The following CLNK variants were observed in gnomAD, a reference collection of about 807,000 sequenced individuals.
CLNK encodes cytokine-dependent hematopoietic cell linker.
Under a neutral mutation model 68.6 loss-of-function variants are expected in CLNK, and 74 were observed. The observed-to-expected ratio is 1.08, with a 90% CI of 0.89 to 1.31. The LOEUF (loss-of-function observed/expected upper bound fraction) is 1.31. CLNK is among the 50% of genes most tolerant of loss of function. The pLI is 0.00. For missense variants in CLNK, 553 were observed against 515.3 expected, an observed-to-expected ratio of 1.07 and a Z score of -0.71; for synonymous variants, 198 against 172.2, an observed-to-expected ratio of 1.15 and a Z score of -1.17.
chr4:10,556,148 G>A (rs896484394), intron 8 of CLNK, among the ~76,000 whole-genome samples: 4 of 152,072 alleles, frequency 2.6e-5, no homozygotes, highest in Non-Finnish European at 4.4e-5. Flanking sequence ...GCCAACATTC[G>A]CTACAAAACA....
At chr4:10,707,884 C>T in the CLNK span, among the ~76,000 whole-genome samples, 1 of 152,190 alleles carries the variant, frequency 6.6e-6, no homozygotes, top group East Asian at 1.9e-4. Flanking sequence ...GGCGATGATG[C>T]CACAGTGCAG....
the CLNK span, among the ~76,000 whole-genome samples, chr4:10,722,151 G>A: frequency 6.6e-6 from 1 of 152,136 alleles, no homozygotes; most frequent in East Asian, 1.9e-4. Flanking sequence ...TCCAGATTGA[G>A]CGAGAGAGAC....
At chr4:10,661,147 C>G (rs1029626835) in intron 2 of CLNK, among the ~76,000 whole-genome samples, 1 of 152,098 alleles carries the variant, frequency 6.6e-6, no homozygotes, top group Non-Finnish European at 1.5e-5. Flanking sequence ...CCCTGGAGGT[C>G]GAAAGCAGGG....
chr4:10,603,655 C>T lies in CLNK; in HGVS notation c.12-5606G>A, dbSNP rs139766229. On this transcript the variant is annotated intron_variant, in intron 2 of 18. Coordinates refer to ENST00000226951, the MANE Select transcript of CLNK (RefSeq NM_052964.4). Reference sequence around the variant, plus strand: ...GGAAAAGTGGGCTGTGATGCAGTTGCAACAGAGGCCTCAGCGGCCCCCACG... The same window carrying T: ...GGAAAAGTGGGCTGTGATGCAGTTGTAACAGAGGCCTCAGCGGCCCCCACG... 2.2e-3 allele frequency among the ~76,000 whole-genome samples: 340 copies of T among 152,306 alleles called. 4 individuals are homozygous for T. Among genetic ancestry groups the T allele is most frequent in the African/African-American group, 7.8e-3 (326 of 41,572 alleles).
At chr4:10,660,402 T>G (rs1419599042) in intron 2 of CLNK, among the ~76,000 whole-genome samples, 1 of 152,252 alleles carries the variant, frequency 6.6e-6, no homozygotes, top group East Asian at 1.9e-4. Flanking sequence ...GATAGTTTTA[T>G]TGGAAAGCCT....
intron 4 of CLNK, among the ~76,000 whole-genome samples, chr4:10,581,105 A>G (rs970713852): frequency 5.3e-5 from 8 of 152,116 alleles, no homozygotes; most frequent in African/African-American, 1.9e-4. Context: ...AACTGCCTAC[A>G]ATATTCAGCA....
At chr4:10,689,709 A>G (rs940277412), upstream of CLNK, among the ~76,000 whole-genome samples, 2 of 146,096 alleles carry the variant, frequency 1.4e-5, no homozygotes, top group Non-Finnish European at 3.0e-5. Context: ...TTCCTAGTTC[A>G]GAGTGCTATC....
At chr4:10,678,858 A>T (rs971223428) in intron 1 of CLNK, among the ~76,000 whole-genome samples, 1 of 152,200 alleles carries the variant, frequency 6.6e-6, no homozygotes, top group Non-Finnish European at 1.5e-5. Flanking sequence ...TCAATGAAAT[A>T]AAAGAGTATA....
chr4:10,699,508 A>T, the CLNK span, among the ~76,000 whole-genome samples: 67 of 19,768 alleles, frequency 3.4e-3, 1 homozygote, highest in Non-Finnish European at 6.8e-3. Flanking sequence ...ATATATATAT[A>T]TATATTTTTT....
chr4:10,695,981 G>A, the CLNK span, among the ~76,000 whole-genome samples: 2 of 151,516 alleles, frequency 1.3e-5, no homozygotes, highest in Admixed American at 6.6e-5. Context: ...TCAGCCTCCC[G>A]AGTAGCTGGG....
At chr4:10,730,740 A>G in the CLNK span, among the ~76,000 whole-genome samples, 2 of 152,174 alleles carry the variant, frequency 1.3e-5, no homozygotes, top group Non-Finnish European at 2.9e-5. Flanking sequence ...GTCTATTCTT[A>G]CTTCATTGTG....
At chr4:10,666,704 A>G (rs1358057087) in intron 2 of CLNK, among the ~76,000 whole-genome samples, 1 of 152,246 alleles carries the variant, frequency 6.6e-6, no homozygotes. Context: ...CAAAGAAGGG[A>G]TGCTTGATTA....
At chr4:10,581,151 C>A (rs1720765386) in intron 4 of CLNK, among the ~76,000 whole-genome samples, 1 of 152,028 alleles carries the variant, frequency 6.6e-6, no homozygotes, top group Non-Finnish European at 1.5e-5. Context: ...TGTTTGTAAC[C>A]TAGGTGCAAT....
intron 8 of CLNK, among the ~76,000 whole-genome samples, chr4:10,556,628 C>T (rs1023868186): frequency 5.3e-5 from 8 of 152,308 alleles, no homozygotes; most frequent in African/African-American, 1.9e-4. Flanking sequence ...TGAGTGCCTA[C>T]AAAGCATATT....
the CLNK span, among the ~76,000 whole-genome samples, chr4:10,701,660 A>G: frequency 6.6e-6 from 1 of 152,192 alleles, no homozygotes; most frequent in Non-Finnish European, 1.5e-5. Context: ...GCCACCATAG[A>G]AAAGGCTTCA....
intron 2 of CLNK, among the ~76,000 whole-genome samples, chr4:10,641,281 G>T (rs370664875): frequency 2.6e-5 from 4 of 152,138 alleles, no homozygotes; most frequent in Non-Finnish European, 5.9e-5. Context: ...TGGGAATGTT[G>T]TTACTGGGGT....
chr4:10,610,366 T>A (rs1050887237), intron 2 of CLNK, among the ~76,000 whole-genome samples: 2 of 151,044 alleles, frequency 1.3e-5, no homozygotes, highest in African/African-American at 4.9e-5. Context: ...TTCTTTTTAA[T>A]CTTCTTGGGG....
At chr4:10,545,159 T>C (rs2108811069) in intron 8 of CLNK, among the ~76,000 whole-genome samples, 1 of 152,276 alleles carries the variant, frequency 6.6e-6, no homozygotes, top group African/African-American at 2.4e-5. Flanking sequence ...CATTCCTCCT[T>C]GTAGCCCCAA....
At chr4:10,713,137 C>CT in the CLNK span, among the ~76,000 whole-genome samples, 7 of 152,102 alleles carry the variant, frequency 4.6e-5, no homozygotes, top group Admixed American at 6.6e-5. Flanking sequence ...AGTGCATTGG[C>CT]TTTTTTCTGG....
Sources: gnomAD v4.1 joint callset for allele counts (sites outside exome capture counted in the v4.1 genomes callset) on GRCh38, gnomAD v4.1.1 for gene constraint, MANE v1.5 for transcripts, NCBI Gene and HGNC (gene_info 2026-07-23, HGNC 2026-07-21) for gene names.